The following TLL1 variants were observed in gnomAD, a reference collection of about 807,000 sequenced individuals.
TLL1 encodes the protein tolloid like 1.
TLL1 carries 49 observed loss-of-function variants against 128.2 expected under a neutral mutation model. The observed-to-expected ratio is 0.38, with a 90% CI of 0.30 to 0.48. The LOEUF (loss-of-function observed/expected upper bound fraction) is 0.48, where lower values mean the gene tolerates loss of function less well. Among genes scored for constraint, TLL1 ranks in the 20% least tolerant of loss-of-function variants. The pLI is 0.96. For synonymous variants in TLL1, 454 were observed against 418.8 expected, an observed-to-expected ratio of 1.08 and a Z score of -1.03; for missense variants, 1,123 against 1,242.0, an observed-to-expected ratio of 0.90 and a Z score of 1.44.
intron 1 of TLL1, among the ~76,000 whole-genome samples, chr4:165,974,721 A>C (rs936340862): frequency 3.3e-5 from 5 of 152,160 alleles, no homozygotes; most frequent in Non-Finnish European, 7.4e-5. Context: ...TAATAATTAT[A>C]CTTATATTAT....
intron 1 of TLL1, among the ~76,000 whole-genome samples, chr4:165,939,402 C>T (rs190589535): frequency 6.8e-4 from 103 of 152,172 alleles, no homozygotes; most frequent in Non-Finnish European, 1.2e-3. Flanking sequence ...CTTAGTGTTC[C>T]TATATCTTGC....
chr4:165,900,167 A>AT lies in TLL1; in HGVS notation c.169+26095dup, dbSNP rs1253659106. Among the ~76,000 whole-genome samples, 3 of 150,818 alleles carry AT rather than the reference A, an allele frequency of 2.0e-5. No homozygotes were observed. The East Asian group carries it at 5.9e-4, about 30-fold the overall frequency. On this transcript the variant is annotated intron_variant, in intron 1 of 20. Coordinates refer to ENST00000061240, the MANE Select transcript of TLL1 (RefSeq NM_012464.5). The stretch of plus-strand genomic sequence containing the variant: ...TGGGTCTCCTGAATACAGCATGCCG[A>AT]TGGGTCTTGACTCTTTATCCGATTT...
At chr4:165,908,478 G>A (rs1732375399) in intron 1 of TLL1, among the ~76,000 whole-genome samples, 1 of 151,670 alleles carries the variant, frequency 6.6e-6, no homozygotes, top group Admixed American at 6.6e-5. Context: ...AGCTACTCAG[G>A]AGACTGAGGT....
intron 1 of TLL1, among the ~76,000 whole-genome samples, chr4:165,951,069 G>A (rs1407085292): frequency 1.3e-5 from 2 of 151,946 alleles, no homozygotes; most frequent in Non-Finnish European, 2.9e-5. Flanking sequence ...ATGAAAAGAG[G>A]GGATGTAATT....
chr4:166,039,214 T>G lies in TLL1; in HGVS notation c.1159-125T>G. On this transcript the variant is annotated intron_variant, in intron 9 of 20. Coordinates refer to ENST00000061240, the MANE Select transcript of TLL1 (RefSeq NM_012464.5). ...AAAAACTATTAGGATAATTATAGTA[T>G]AGAAAAACAATTAGCTGCACATGCA... 4.3e-6 allele frequency: 3 copies of G among 695,274 alleles called. No individual in the cohort carries two copies. In the South Asian group the frequency reaches 5.0e-5, roughly 12 times the overall value. The allele number at this position is 695,274 out of a possible 1,614,324, so 43.1% of individuals were successfully genotyped here. A position where few individuals can be genotyped will look rare whatever the true frequency, so the allele number is the denominator to read the frequency against.
At chr4:165,953,534 T>A (rs1343573702) in intron 1 of TLL1, among the ~76,000 whole-genome samples, 18 of 147,502 alleles carry the variant, frequency 1.2e-4, no homozygotes, top group Non-Finnish European at 3.0e-5. Context: ...TTTGCAGAGA[T>A]GTTAACTGCA....
chr4:166,024,520 G>T (rs986896639), intron 8 of TLL1, among the ~76,000 whole-genome samples: 1 of 152,136 alleles, frequency 6.6e-6, no homozygotes, highest in Non-Finnish European at 1.5e-5. Context: ...CTAGGTTCAT[G>T]GCACATTGCA....
intron 6 of TLL1, 68 bp from the exon 7 acceptor site, chr4:166,007,875 A>C: frequency 1.0e-6 from 1 of 965,910 alleles, no homozygotes; most frequent in Non-Finnish European, 1.7e-6. Flanking sequence ...CAGGTGTAGG[A>C]AAGGCCTTCT....
chr4:165,985,901 G>A (rs988991455), intron 1 of TLL1, among the ~76,000 whole-genome samples: 2 of 151,838 alleles, frequency 1.3e-5, no homozygotes, highest in East Asian at 3.9e-4. Flanking sequence ...TTGGCTTACT[G>A]GTTAGCTCCA....
chr4:166,051,330 C>T (rs1299016948), intron 12 of TLL1, among the ~76,000 whole-genome samples: 1 of 136,610 alleles, frequency 7.3e-6, no homozygotes, highest in Non-Finnish European at 1.5e-5. Flanking sequence ...TTCCTTCTTT[C>T]CTTCCTCTTT....
chr4:166,060,767 C>A (rs980456012), intron 15 of TLL1, among the ~76,000 whole-genome samples: 2 of 152,178 alleles, frequency 1.3e-5, no homozygotes, highest in Non-Finnish European at 2.9e-5. Flanking sequence ...CAAGTGAAAT[C>A]ATTTATTTGA....
intron 9 of TLL1, among the ~76,000 whole-genome samples, chr4:166,035,124 T>C (rs7684602): frequency 0.16 from 23,690 of 152,134 alleles, 2,196 homozygotes; most frequent in African/African-American, 0.26. Context: ...ACTCAAACCA[T>C]AGCGAGAGGT....
At chr4:166,032,232 T>G (rs1461183070) in intron 9 of TLL1, among the ~76,000 whole-genome samples, 1 of 152,126 alleles carries the variant, frequency 6.6e-6, no homozygotes, top group Non-Finnish European at 1.5e-5. Flanking sequence ...GAATAACATG[T>G]CATGAACCGA....
At chr4:166,062,247 C>A (rs1431018558) in intron 15 of TLL1, among the ~76,000 whole-genome samples, 1 of 152,100 alleles carries the variant, frequency 6.6e-6, no homozygotes, top group African/African-American at 2.4e-5. Context: ...TTTTCCAATT[C>A]TGTGAAGAAA....
At chr4:166,001,025 A>G (rs1043410370) in intron 5 of TLL1, among the ~76,000 whole-genome samples, 1 of 151,972 alleles carries the variant, frequency 6.6e-6, no homozygotes, top group African/African-American at 2.4e-5. Context: ...TTTGAAAATG[A>G]AAAAAAAGGG....
At chr4:166,099,556 G>C (rs372054848) in intron 20 of TLL1, 29 bp downstream of exon 20, 1 of 1,602,184 alleles carries the variant, frequency 6.2e-7, no homozygotes, top group East Asian at 2.3e-5. Context: ...GAATACCCTA[G>C]ACATGATTAA....
intron 1 of TLL1, among the ~76,000 whole-genome samples, chr4:165,912,891 G>GAA (rs11439705): frequency 1.1e-4 from 16 of 146,472 alleles, no homozygotes; most frequent in East Asian, 5.9e-4. Flanking sequence ...ACCATAGAAA[G>GAA]AAAAAAAAAA....
intron 1 of TLL1, among the ~76,000 whole-genome samples, chr4:165,988,838 A>T (rs570064296): frequency 6.6e-6 from 1 of 152,138 alleles, no homozygotes; most frequent in Non-Finnish European, 1.5e-5. Flanking sequence ...AGGCAATGCC[A>T]TCTTAAGATA....
chr4:165,923,577 GC>G (rs1008321635), intron 1 of TLL1, among the ~76,000 whole-genome samples: 1 of 151,422 alleles, frequency 6.6e-6, no homozygotes, highest in African/African-American at 2.4e-5. Flanking sequence ...GGGACTACAG[GC>G]ACCCACCACC....
Sources: gnomAD v4.1 joint callset for allele counts (sites outside exome capture counted in the v4.1 genomes callset) on GRCh38, gnomAD v4.1.1 for gene constraint, MANE v1.5 for transcripts, NCBI Gene and HGNC (gene_info 2026-07-23, HGNC 2026-07-21) for gene names.